Variants in BRIP1 observed in about 807,000 individuals in gnomAD.
BRIP1 encodes the protein Fanconi anemia group J protein.
BRIP1 carries 88 observed loss-of-function variants against 119.7 expected under a neutral mutation model. The observed-to-expected ratio is 0.74, with a 90% CI of 0.62 to 0.88. The LOEUF is 0.88. BRIP1 is among the 40% of genes least tolerant of loss of function. The pLI, the probability that BRIP1 is intolerant of heterozygous loss-of-function variation, is 0.00. For synonymous variants in BRIP1, 443 were observed against 496.5 expected, an observed-to-expected ratio of 0.89 and a Z score of 1.43; for missense variants, 1,259 against 1,455.4, an observed-to-expected ratio of 0.87 and a Z score of 2.20.
At chr17:61,811,407 G>A (rs1011293414) in intron 6 of BRIP1, among the ~76,000 whole-genome samples, 1 of 151,600 alleles carries the variant, frequency 6.6e-6, no homozygotes, top group South Asian at 2.1e-4. Flanking sequence ...GTTTTTATTA[G>A]AGATGGGGTT....
Position 61,857,311 on chromosome 17 carries a change from G to T in BRIP1, c.206-80C>A. 2 of 1,318,092 alleles carry T rather than the reference G, an allele frequency of 1.5e-6. No homozygotes were observed. Among genetic ancestry groups the T allele is most frequent in the Non-Finnish European group, 2.1e-6 (2 of 965,518 alleles). 81.6% of individuals were successfully genotyped at this position (1,318,092 alleles called of 1,614,324 possible). ...ATTCTCTACAGCCCAGTTCACCCAG[G>T]ATTGGGAGGTTTCCTAAGATAAAAG... On this transcript the variant is annotated intron_variant, in intron 3 of 19. Coordinates refer to ENST00000259008, the MANE Select transcript of BRIP1 (RefSeq NM_032043.3). This position sits in a 1 kb window ranked among gnomAD's most constrained non-coding sequence, Gnocchi z 5.1.
intron 16 of BRIP1, among the ~76,000 whole-genome samples, chr17:61,733,307 C>T (rs1354791492): frequency 6.6e-6 from 1 of 152,152 alleles, no homozygotes; most frequent in African/African-American, 2.4e-5. Flanking sequence ...AGGATCATCA[C>T]TTGAGCCCAG....
At chr17:61,772,184 TATATATATATATATATATATATATAA>T (rs1179366911) in intron 14 of BRIP1, among the ~76,000 whole-genome samples, 3 of 81,608 alleles carry the variant, frequency 3.7e-5, no homozygotes, top group East Asian at 8.2e-4. Flanking sequence ...TATATATATA[TATATATATATATATATATATATATAA>T]AATGAAATAT....
At chr17:61,737,730 A>C (rs2076937231) in intron 16 of BRIP1, among the ~76,000 whole-genome samples, 1 of 152,240 alleles carries the variant, frequency 6.6e-6, no homozygotes, top group Non-Finnish European at 1.5e-5. Context: ...AGCCTTCTTA[A>C]TCATTATAAA....
chr17:61,735,870 A>T lies in BRIP1; in HGVS notation c.2379+7143T>A, dbSNP rs1350863715. Reference sequence around the variant, plus strand: ...ACCTCAGTCCTACAACCACAAACGGACCCCAAGTGCCAGATAACAACACAA... The same window carrying T: ...ACCTCAGTCCTACAACCACAAACGGTCCCCAAGTGCCAGATAACAACACAA... On this transcript the variant is annotated intron_variant, in intron 16 of 19. Coordinates refer to ENST00000259008, the MANE Select transcript of BRIP1 (RefSeq NM_032043.3). This position sits in a 1 kb window ranked among gnomAD's most constrained non-coding sequence, Gnocchi z 4.4. 6.6e-6 allele frequency among the ~76,000 whole-genome samples: 1 copy of T among 152,016 alleles called. No individual in the cohort carries two copies. The highest frequency in any genetic ancestry group is 1.5e-5 in the Non-Finnish European group (1 of 68,012).
intron 6 of BRIP1, among the ~76,000 whole-genome samples, chr17:61,821,401 A>G (rs567699903): frequency 6.7e-6 from 1 of 149,488 alleles, no homozygotes; most frequent in South Asian, 2.1e-4. Flanking sequence ...TGGAGAGGTG[A>G]GTTTTTCTTT....
At position 61,736,942 on chromosome 17, in the gene BRIP1, C is replaced by G. The variant is rs1391814888; in HGVS notation, c.2379+6071G>C. Among the ~76,000 whole-genome samples the G allele has an allele frequency of 1.3e-5, 2 of 151,900 alleles. No individual in the cohort carries two copies. Among genetic ancestry groups the G allele is most frequent in the Non-Finnish European group, 2.9e-5 (2 of 67,968 alleles). The stretch of plus-strand genomic sequence containing the variant: ...CCCTATATTATTTAAAAGGCAAATG[C>G]ATAAAAACAATAATTAAAAACTAAC... On this transcript the variant is annotated intron_variant, in intron 16 of 19. Coordinates refer to ENST00000259008, the MANE Select transcript of BRIP1 (RefSeq NM_032043.3). The surrounding 1 kb of genome is among the most constrained non-coding windows in gnomAD (Gnocchi z 4.4).
rs1481401089 is a variant in BRIP1, at chr17:61,729,063, C to G, written c.2380-13000G>C. The stretch of plus-strand genomic sequence containing the variant: ...TGGGAGGCTGAGGCGGGCGGATCTT[C>G]TGAGGTCGGGAGTTCGAGACCAGCC... On this transcript the variant is annotated intron_variant, in intron 16 of 19. Transcript: ENST00000259008. The surrounding 1 kb of genome is among the most constrained non-coding windows in gnomAD (Gnocchi z 5.6). 6.6e-6 allele frequency among the ~76,000 whole-genome samples: 1 copy of G among 151,890 alleles called. No homozygotes were observed. Among genetic ancestry groups the G allele is most frequent in the Admixed American group, 6.6e-5 (1 of 15,244 alleles).
rs2061418157 is a variant in BRIP1, at chr17:61,689,613, T to C, written c.2576-3448A>G. 1.3e-5 allele frequency among the ~76,000 whole-genome samples: 2 copies of C among 152,116 alleles called. No homozygotes were observed. The highest frequency in any genetic ancestry group is 4.8e-5 in the African/African-American group (2 of 41,420). On this transcript the variant is annotated intron_variant, in intron 18 of 19. Coordinates refer to ENST00000259008, the MANE Select transcript of BRIP1 (RefSeq NM_032043.3). The surrounding 1 kb of genome is among the most constrained non-coding windows in gnomAD (Gnocchi z 4.5). ...TGAACAGGATGAACCCAAAAGTCTG[T>C]ACCAAAACACTTTATAATCAAAGTG...
At chr17:61,771,051 C>A (rs920865046) in intron 14 of BRIP1, among the ~76,000 whole-genome samples, 1 of 152,044 alleles carries the variant, frequency 6.6e-6, no homozygotes, top group Admixed American at 6.5e-5. Flanking sequence ...TAAATTTAGA[C>A]ACAAATAGGT....
Position 61,857,118 on chromosome 17 carries a change from G to C in BRIP1, c.319C>G (p.His107Asp), listed in dbSNP as rs2078907400. 1 of 1,614,118 alleles carries C rather than the reference G, an allele frequency of 6.2e-7. No homozygotes were observed. Among genetic ancestry groups the C allele is most frequent in the South Asian group, 1.1e-5 (1 of 91,074 alleles). ...GGTGGTGTGCTTGGATAGTTGAAAT[G>C]ACGTGAAGTTCCTTGGTTCATGTCA... ...NNDMNQGTSR[H>D]FNYPSTPPSE... The change falls in exon 4 of 20, where the codon CAT (histidine) becomes GAT (aspartate). Residue 107 changes from histidine (H) to aspartate (D), a missense_variant. Physicochemically the swap from His to Asp is moderately conservative, Grantham distance 81 (BLOSUM62 -1). Around this residue, in one of 3 missense-constraint regions of BRIP1, gnomAD observed 501 missense variants for 544.0 expected, o/e 0.92. Coordinates refer to ENST00000259008, the MANE Select transcript of BRIP1 (RefSeq NM_032043.3). This position sits in a 1 kb window ranked among gnomAD's most constrained non-coding sequence, Gnocchi z 5.1.
At chr17:61,765,833 A>G (rs946578797) in intron 14 of BRIP1, among the ~76,000 whole-genome samples, 12 of 150,660 alleles carry the variant, frequency 8.0e-5, no homozygotes, top group African/African-American at 2.9e-4. Flanking sequence ...ATTCATGCAC[A>G]CACACACACA....
At chr17:61,785,253 A>G (rs1460676705) in intron 10 of BRIP1, among the ~76,000 whole-genome samples, 2 of 152,362 alleles carry the variant, frequency 1.3e-5, no homozygotes, top group African/African-American at 2.4e-5. Flanking sequence ...AGGAAACAAT[A>G]CATGCTAAAT....
intron 16 of BRIP1, among the ~76,000 whole-genome samples, chr17:61,731,981 C>CTTTTTTTTTTTTTT (rs71299809): frequency 1.6e-4 from 13 of 83,012 alleles, no homozygotes; most frequent in Non-Finnish European, 1.8e-4. Context: ...TTCTTTCTTT[C>CTTTTTTTTTTTTTT]TTTTTTTTTT....
intron 6 of BRIP1, among the ~76,000 whole-genome samples, chr17:61,820,983 A>G (rs1242834403): frequency 1.3e-5 from 2 of 151,014 alleles, no homozygotes; most frequent in Non-Finnish European, 3.0e-5. Context: ...AAGAAAGTAC[A>G]CTCCACAGAG....
chr17:61,732,925 C>T (rs983225347), intron 16 of BRIP1, among the ~76,000 whole-genome samples: 7 of 152,152 alleles, frequency 4.6e-5, no homozygotes, highest in African/African-American at 1.4e-4. Context: ...AACTCCTGAC[C>T]TCAAATGATC....
chr17:61,705,680 C>T lies in BRIP1; in HGVS notation c.2492+10271G>A, dbSNP rs1603287895. 6.6e-6 allele frequency among the ~76,000 whole-genome samples: 1 copy of T among 152,078 alleles called. No homozygotes were observed. The highest frequency in any genetic ancestry group is 1.5e-5 in the Non-Finnish European group (1 of 68,000). On this transcript the variant is annotated intron_variant, in intron 17 of 19. Coordinates refer to ENST00000259008, the MANE Select transcript of BRIP1 (RefSeq NM_032043.3). This position sits in a 1 kb window ranked among gnomAD's most constrained non-coding sequence, Gnocchi z 5.0. ...TGAGGATGTTTTTTCCTAAAATAAG[C>T]ATTTAATGACATAAATATCCATCTG...
Position 61,729,668 on chromosome 17 carries a change from T to G in BRIP1, c.2379+13345A>C, listed in dbSNP as rs1041838269. ...GTATATTAGACTCTTGGTAAGTGCT[T>G]TATTGGACGTTTTTCAACTTGATAA... On this transcript the variant is annotated intron_variant, in intron 16 of 19. Transcript: ENST00000259008. The surrounding 1 kb of genome is among the most constrained non-coding windows in gnomAD (Gnocchi z 5.6). Among the ~76,000 whole-genome samples, 2 of 152,176 alleles carry G rather than the reference T, an allele frequency of 1.3e-5. No homozygotes were observed. Among genetic ancestry groups the G allele is most frequent in the African/African-American group, 2.4e-5 (1 of 41,442 alleles).
intron 16 of BRIP1, 98 bp from the exon 17 acceptor site, chr17:61,716,161 G>T: frequency 7.9e-6 from 6 of 759,090 alleles, no homozygotes; most frequent in South Asian, 4.5e-5. Flanking sequence ...CATATTTTTA[G>T]GGTAGAGATT....
Sources: allele counts gnomAD v4.1 joint callset (sites outside exome capture counted in the v4.1 genomes callset), GRCh38; gene constraint gnomAD v4.1.1; regional missense constraint gnomAD v4.1.1; non-coding constraint Gnocchi (gnomAD v3.1); transcripts MANE v1.5; gene names NCBI Gene and HGNC (gene_info 2026-07-23, HGNC 2026-07-21).